ZNF618: variants seen among roughly 807,000 people sequenced by gnomAD.
ZNF618 encodes neural precursor cell expressed, developmentally down-regulated 10.
ZNF618 carries 34 observed loss-of-function variants against 103.0 expected under a neutral mutation model. The observed-to-expected ratio is 0.33, with a 90% CI of 0.25 to 0.44. ZNF618 has a LOEUF of 0.44. Among genes scored for constraint, ZNF618 ranks in the 20% least tolerant of loss-of-function variants. ZNF618 has a pLI of 1.00. For synonymous variants in ZNF618, 551 were observed against 542.2 expected (o/e 1.02, Z -0.23); for missense variants, 1,059 against 1,295.4 (o/e 0.82, Z 2.80).
chr9:113,902,682 G>C (rs989332020), intron 1 of ZNF618, among the ~76,000 whole-genome samples: 2 of 152,128 alleles, frequency 1.3e-5, no homozygotes, highest in Non-Finnish European at 2.9e-5. Flanking sequence ...CAGCTGCTTG[G>C]TGCAGCCACC....
intron 1 of ZNF618, among the ~76,000 whole-genome samples, chr9:113,887,892 A>G (rs1377089598): frequency 6.6e-6 from 1 of 152,218 alleles, no homozygotes; most frequent in African/African-American, 2.4e-5. Flanking sequence ...ATTCTTATTT[A>G]TCTCACATTA....
chr9:114,003,276 C>T (rs1033723299), intron 6 of ZNF618, among the ~76,000 whole-genome samples: 3 of 152,240 alleles, frequency 2.0e-5, no homozygotes, highest in South Asian at 2.1e-4. Context: ...AGGCCCCAAG[C>T]GCCTGGTAAG....
chr9:113,887,949 A>G (rs1036820979), intron 1 of ZNF618, among the ~76,000 whole-genome samples: 6 of 152,130 alleles, frequency 3.9e-5, no homozygotes, highest in African/African-American at 1.4e-4. Flanking sequence ...ATCATTGCAC[A>G]TTTGCTGAGT....
chr9:114,050,276 CATT>C lies in ZNF618; in HGVS notation c.*112_*114del. ...TTTAAGTTCTAAACACTGTGGACCT[CATT>C]ATAAATGCCCCCTGGAAACTTAAGT... On this transcript the variant is annotated 3_prime_UTR_variant, in exon 15 of 15. Coordinates refer to ENST00000374126, the MANE Select transcript of ZNF618 (RefSeq NM_001318042.2). 7.5e-7 allele frequency: 1 copy of C among 1,326,400 alleles called. No homozygotes were observed. Among genetic ancestry groups the C allele is most frequent in the Non-Finnish European group, 1.0e-6 (1 of 983,584 alleles). 82.2% of individuals were successfully genotyped at this position (1,326,400 alleles called of 1,614,324 possible).
chr9:114,043,428 G>C (rs552082146), intron 13 of ZNF618, among the ~76,000 whole-genome samples: 1 of 152,286 alleles, frequency 6.6e-6, no homozygotes, highest in Non-Finnish European at 1.5e-5. Flanking sequence ...CCATCCTAGT[G>C]CATGTGAAAT....
rs932474192 is a variant in ZNF618 at position 113,988,238 on chromosome 9, A to T, written c.78-83A>T. 5 of 1,501,418 alleles carry T rather than the reference A, an allele frequency of 3.3e-6. No individual in the cohort carries two copies. In the African/African-American group the frequency reaches 6.9e-5, roughly 21 times the overall value. 93.0% of individuals were successfully genotyped at this position (1,501,418 alleles called of 1,614,324 possible). A position where few individuals can be genotyped will look rare whatever the true frequency, so the allele number is the denominator to read the frequency against. On this transcript the variant is annotated intron_variant, in intron 2 of 14. Coordinates refer to ENST00000374126, the MANE Select transcript of ZNF618 (RefSeq NM_001318042.2). ...GAATTCACTATGCACACAGCCTGGC[A>T]TGTCCCTGTGGTGCCATGGGCTGGT...
At chr9:114,041,961 G>T (rs1845226797) in intron 13 of ZNF618, among the ~76,000 whole-genome samples, 1 of 152,186 alleles carries the variant, frequency 6.6e-6, no homozygotes, top group South Asian at 2.1e-4. Flanking sequence ...CTATCCATGA[G>T]CATGGAATGT....
intron 2 of ZNF618, among the ~76,000 whole-genome samples, chr9:113,969,404 G>A (rs1029477847): frequency 6.6e-6 from 1 of 152,238 alleles, no homozygotes; most frequent in Non-Finnish European, 1.5e-5. Flanking sequence ...GGCCACTCAA[G>A]TTGAGAACTT....
intron 1 of ZNF618, among the ~76,000 whole-genome samples, chr9:113,948,606 T>C (rs2418260): frequency 0.57 from 86,223 of 152,076 alleles, 24,872 homozygotes; most frequent in East Asian, 0.68. Context: ...GTTATTTAAC[T>C]GGATGTGCCT....
chr9:113,907,127 G>A (rs547582776), intron 1 of ZNF618, among the ~76,000 whole-genome samples: 11 of 152,334 alleles, frequency 7.2e-5, no homozygotes, highest in South Asian at 6.2e-4. Context: ...TCCCTAAGCC[G>A]ATCACAGTGC....
At chr9:113,916,116 ATT>A (rs1832056810) in intron 1 of ZNF618, among the ~76,000 whole-genome samples, 1 of 151,354 alleles carries the variant, frequency 6.6e-6, no homozygotes, top group Non-Finnish European at 1.5e-5. Context: ...GTGTGTGTGT[ATT>A]GCAGTGTTGG....
chr9:113,986,570 G>A (rs574832079), intron 2 of ZNF618, among the ~76,000 whole-genome samples: 1 of 152,300 alleles, frequency 6.6e-6, no homozygotes, highest in Admixed American at 6.5e-5. Flanking sequence ...TCACGTGGGG[G>A]AGAGAGCAAT....
intron 1 of ZNF618, among the ~76,000 whole-genome samples, chr9:113,880,049 G>A (rs1828371782): frequency 6.6e-6 from 1 of 152,106 alleles, no homozygotes; most frequent in Non-Finnish European, 1.5e-5. Flanking sequence ...CTCCTCCAGT[G>A]TCAGATACAA....
At position 114,048,987 on chromosome 9, in the gene ZNF618, C is replaced by G. The variant is rs1845900216; in HGVS notation, c.1685C>G (p.Ser562Cys). 2 of 1,613,186 alleles carry G rather than the reference C, an allele frequency of 1.2e-6. No homozygotes were observed. Among genetic ancestry groups the G allele is most frequent in the Non-Finnish European group, 1.7e-6 (2 of 1,179,530 alleles). ...CACTCCCAGAGTGTTGGCCCTGACT[C>G]CTGCTACATCCTCACAGCCTACCAG... ...TCHSQSVGPD[S>C]CYILTAYQAE... The change falls in exon 15 of 15, where the codon TCC (serine) becomes TGC (cysteine). Residue 562 changes from serine (S) to cysteine (C), a missense_variant. Transcript: ENST00000374126.
Position 114,055,763 on chromosome 9 carries a change from C to T in ZNF618, c.*5596C>T, listed in dbSNP as rs1188157292. The T allele has an allele frequency of 2.6e-5, 4 of 150,946 alleles. No individual in the cohort carries two copies. The highest frequency in any genetic ancestry group is 1.5e-5 in the Non-Finnish European group (1 of 67,676). 9.4% of individuals were successfully genotyped at this position (150,946 alleles called of 1,614,324 possible). On this transcript the variant is annotated 3_prime_UTR_variant, in exon 15 of 15. Transcript: ENST00000374126. Reference sequence around the variant, plus strand: ...AAAAAAACAAACACAAAAAAAATATCTTTTTTAGGCCAGAGTTTTCTACAG... The same window carrying T: ...AAAAAAACAAACACAAAAAAAATATTTTTTTTAGGCCAGAGTTTTCTACAG...
Position 114,050,300 on chromosome 9 carries a change from T to A in ZNF618, c.*133T>A. ...TCATTATAAATGCCCCCTGGAAACT[T>A]AAGTGCTTTTTTTATATGTGTGTGT... On this transcript the variant is annotated 3_prime_UTR_variant, in exon 15 of 15. Transcript: ENST00000374126. The A allele has an allele frequency of 8.8e-7, 1 of 1,137,552 alleles. No homozygotes were observed. Among genetic ancestry groups the A allele is most frequent in the Non-Finnish European group, 1.2e-6 (1 of 820,782 alleles). The allele number at this position is 1,137,552 out of a possible 1,614,324, so 70.5% of individuals were successfully genotyped here.
intron 2 of ZNF618, among the ~76,000 whole-genome samples, chr9:113,981,229 A>G (rs1250899811): frequency 6.6e-6 from 1 of 152,068 alleles, no homozygotes; most frequent in Admixed American, 6.5e-5. Context: ...TTTTTTCTCC[A>G]CCCTTAACAT....
intron 3 of ZNF618, among the ~76,000 whole-genome samples, chr9:113,997,087 TTTCTTC>T: frequency 6.6e-6 from 1 of 152,090 alleles, no homozygotes; most frequent in African/African-American, 2.4e-5. Flanking sequence ...CTTCCTCTTC[TTTCTTC>T]TTCTTCTTTT....
chr9:113,986,063 C>T (rs779117215), intron 2 of ZNF618, among the ~76,000 whole-genome samples: 2 of 152,176 alleles, frequency 1.3e-5, no homozygotes, highest in Non-Finnish European at 1.5e-5. Flanking sequence ...GAGGAGGAGG[C>T]GCCCCTGGGT....
Sources: gnomAD v4.1 joint callset for allele counts (sites outside exome capture counted in the v4.1 genomes callset) on GRCh38, gnomAD v4.1.1 for gene constraint, MANE v1.5 for transcripts, NCBI Gene and HGNC (gene_info 2026-07-23, HGNC 2026-07-21) for gene names.